The following NKX3-2 variants were observed in gnomAD, a reference collection of about 807,000 sequenced individuals.
The protein encoded by NKX3-2 is NK3 homeobox 2.
Under a neutral mutation model 19.4 loss-of-function variants are expected in NKX3-2, and 13 were observed. The observed-to-expected ratio is 0.67, with a 90% CI of 0.44 to 1.07. The LOEUF (loss-of-function observed/expected upper bound fraction) is 1.07, where lower values mean the gene tolerates loss of function less well. NKX3-2 is among the 50% of genes least tolerant of loss of function. The probability of loss-of-function intolerance (pLI) is 0.00; values close to 1 mark genes in which losing one functional copy is unlikely to be tolerated. For missense variants in NKX3-2, 562 were observed against 488.2 expected (o/e 1.15, Z -1.42); for synonymous variants, 269 against 230.5 (o/e 1.17, Z -1.51).
At chr4:13,547,330 C>T (rs1446891223), upstream of NKX3-2, 1 of 441,712 alleles carries the variant, frequency 2.3e-6, no homozygotes. Context: ...AGGGCGACTT[C>T]CTTCGGGCTC....
At position 13,541,677 on chromosome 4, in the gene NKX3-2, A is replaced by G. The variant is rs1176146225; in HGVS notation, c.*316T>C. 1 of 321,822 alleles carries G rather than the reference A, an allele frequency of 3.1e-6. No homozygotes were observed. The highest frequency in any genetic ancestry group is 5.7e-6 in the Non-Finnish European group (1 of 174,452). The allele number at this position is 321,822 out of a possible 1,614,324, so 19.9% of individuals were successfully genotyped here. ...GCCGCTCAGGGAAAACCCCACCCCC[A>G]GGCAGACATATTCGAATCAAAATTT... is the stretch of plus-strand genomic sequence containing the variant. On this transcript the variant is annotated 3_prime_UTR_variant, in exon 2 of 2. Transcript: ENST00000382438.
rs1041610134 is a variant in NKX3-2 at position 13,543,417 on chromosome 4, A to C, written c.466+532T>G. On this transcript the variant is annotated intron_variant, in intron 1 of 1. Coordinates refer to ENST00000382438, the MANE Select transcript of NKX3-2 (RefSeq NM_001189.4). The surrounding 1 kb of genome is among the most constrained non-coding windows in gnomAD (Gnocchi z 7.1). ...CCAGACCTGGGGTCTGAGAAAGCCA[A>C]ACCAGCCCTTTCCCCAAAGCTCTAG... Among the ~76,000 whole-genome samples, 5 of 152,324 alleles carry C rather than the reference A, an allele frequency of 3.3e-5. No individual in the cohort carries two copies. Among genetic ancestry groups the C allele is most frequent in the African/African-American group, 1.2e-4 (5 of 41,584 alleles).
Position 13,544,505 on chromosome 4 carries a change from G to T in NKX3-2, c.-91C>A, listed in dbSNP as rs924676128. Reference sequence around the variant, plus strand: ...CAGAGAGCGCCGGCGGCCGCAGCGCGAGTGAGCTGGGTGTGCGAGGCCGCC... The same window carrying T: ...CAGAGAGCGCCGGCGGCCGCAGCGCTAGTGAGCTGGGTGTGCGAGGCCGCC... On this transcript the variant is annotated 5_prime_UTR_variant, in exon 1 of 2. Transcript: ENST00000382438. 5.3e-6 allele frequency: 5 copies of T among 935,398 alleles called. No homozygotes were observed. The highest frequency in any genetic ancestry group is 4.4e-5 in the Admixed American group (1 of 22,594). 57.9% of individuals were successfully genotyped at this position (935,398 alleles called of 1,614,324 possible).
chr4:13,546,356 G>C (rs1369850155), upstream of NKX3-2: 1 of 157,094 alleles, frequency 6.4e-6, no homozygotes, highest in Non-Finnish European at 1.4e-5. Flanking sequence ...GCCCTTTACA[G>C]CTCTTTACAA....
upstream of NKX3-2, chr4:13,544,689 C>T (rs971606740): frequency 1.6e-4 from 39 of 251,560 alleles, no homozygotes; most frequent in African/African-American, 8.3e-4. Flanking sequence ...TGGATTATCT[C>T]ATCGCTTCTC....
chr4:13,542,603 G>A lies in NKX3-2; in HGVS notation c.467-75C>T. The A allele has an allele frequency of 1.9e-6, 3 of 1,553,926 alleles. No homozygotes were observed. The highest frequency in any genetic ancestry group is 2.6e-6 in the Non-Finnish European group (3 of 1,141,628). ...GAGGTGAGGCCGGGCCTCAACTGCA[G>A]GGGTCACGGGAGTGGGGCGGAAATA... On this transcript the variant is annotated intron_variant, in intron 1 of 1. Transcript: ENST00000382438. The surrounding 1 kb of genome is among the most constrained non-coding windows in gnomAD (Gnocchi z 6.4).
chr4:13,544,305 C>G lies in NKX3-2; in HGVS notation c.110G>C (p.Gly37Ala). Residue 37 changes from glycine to alanine, a missense_variant, in exon 1 of 2, where the codon GGG becomes GCG. Physicochemically the swap from Gly to Ala is moderately conservative, Grantham distance 60. Transcript: ENST00000382438. ...CGCGGCCACCGATGCCGCTGTGCCCCCGGGCGCCGGGCGCCCCTCTGGCGC... is the reference window on the plus strand; with the variant it reads ...CGCGGCCACCGATGCCGCTGTGCCCGCGGGCGCCGGGCGCCCCTCTGGCGC... ...LAAPEGRPAP[G>A]GTAASVAAAP... The G allele has an allele frequency of 2.0e-6, 3 of 1,529,848 alleles. No homozygotes were observed. The highest frequency in any genetic ancestry group is 2.6e-6 in the Non-Finnish European group (3 of 1,145,970). 94.8% of individuals were successfully genotyped at this position (1,529,848 alleles called of 1,614,324 possible).
chr4:13,544,068 G>T lies in NKX3-2; in HGVS notation c.347C>A (p.Ala116Asp). 1 of 1,575,078 alleles carries T rather than the reference G, an allele frequency of 6.3e-7. No individual in the cohort carries two copies. The highest frequency in any genetic ancestry group is 8.6e-7 in the Non-Finnish European group (1 of 1,163,252). ...GCTCAAGGATCCCCCCGCAAGGCCG[G>T]CCCCGCTGGCCCCCCGCGCGTCCGC... ...RCADARGASG[A>D]GLAGGSLSLG... The change falls in exon 1 of 2, where the codon GCC becomes GAC. Residue 116 changes from alanine (A) to aspartate (D), a missense_variant. Coordinates refer to ENST00000382438, the MANE Select transcript of NKX3-2 (RefSeq NM_001189.4).
At position 13,544,423 on chromosome 4, in the gene NKX3-2, C is replaced by G; in HGVS notation, c.-9G>C. 1 of 1,492,296 alleles carries G rather than the reference C, an allele frequency of 6.7e-7. No homozygotes were observed. The highest frequency in any genetic ancestry group is 2.7e-5 in the East Asian group (1 of 36,784). 92.4% of individuals were successfully genotyped at this position (1,492,296 alleles called of 1,614,324 possible). ...GCGCCGCGCACAGCCATCTGCGCCGCGGGCAGGAGCGGCCGGCGGGGCGGG... is the reference window on the plus strand; with the variant it reads ...GCGCCGCGCACAGCCATCTGCGCCGGGGGCAGGAGCGGCCGGCGGGGCGGG... On this transcript the variant is annotated 5_prime_UTR_variant, in exon 1 of 2. Transcript: ENST00000382438.
chr4:13,545,754 T>C (rs571953619), upstream of NKX3-2, among the ~76,000 whole-genome samples: 241 of 152,324 alleles, frequency 1.6e-3, 1 homozygote, highest in Non-Finnish European at 2.6e-3. Context: ...ACTTTCAATT[T>C]GTTTTTTTTA....
Position 13,544,120 on chromosome 4 carries a change from C to A in NKX3-2, c.295G>T (p.Glu99Ter), listed in dbSNP as rs1718061894. 2 of 1,602,246 alleles carry A rather than the reference C, an allele frequency of 1.2e-6. No individual in the cohort carries two copies. Among genetic ancestry groups the A allele is most frequent in the African/African-American group, 1.3e-5 (1 of 74,326 alleles). Residue 99 changes from glutamate (E) to a stop codon, truncating the protein, a stop_gained, in exon 1 of 2, where the codon GAG becomes TAG. Coordinates refer to ENST00000382438, the MANE Select transcript of NKX3-2 (RefSeq NM_001189.4). LOFTEE classifies it high-confidence loss of function. ...CAGCGCCGCCTGCTCTCGTTCTCCT[C>A]GCTGAGCGCGGAGTCCGAGTCCCAG... is the stretch of plus-strand genomic sequence containing the variant. ...EGWDSDSALSEENESRRRCAD... is the reference protein window; with the variant it reads ...EGWDSDSALS
In NKX3-2 at chr4:13,544,342, C is replaced by G; in HGVS notation, c.73G>C (p.Gly25Arg). ...QAILNKKEERGGLAAPEGRPA... is the reference protein window; with the variant it reads ...QAILNKKEERRGLAAPEGRPA... ...CGCCCCTCTGGCGCGGCCAGCCCGC[C>G]GCGCTCCTCTTTCTTGTTGAGGATC... The change falls in exon 1 of 2, where the codon GGC (glycine) becomes CGC (arginine). Residue 25 changes from glycine (G) to arginine (R), a missense_variant. Physicochemically the swap from Gly to Arg is moderately radical, Grantham distance 125. Coordinates refer to ENST00000382438, the MANE Select transcript of NKX3-2 (RefSeq NM_001189.4). The G allele has an allele frequency of 6.5e-7, 1 of 1,535,218 alleles. No individual in the cohort carries two copies. Among genetic ancestry groups the G allele is most frequent in the Non-Finnish European group, 8.7e-7 (1 of 1,148,920 alleles).
Position 13,542,456 on chromosome 4 carries a change from C to G in NKX3-2, c.539G>C (p.Gly180Ala). ...RGAHVSALCS[G>A]AGGGGGSGPA... ...CCCGCTGCCGCCCCCGCCGCCGGCC[C>G]CGCTGCACAGCGCGGACACGTGTGC... Residue 180 changes from glycine to alanine, a missense_variant, in exon 2 of 2, where the codon GGG (glycine) becomes GCG (alanine). Coordinates refer to ENST00000382438, the MANE Select transcript of NKX3-2 (RefSeq NM_001189.4). The surrounding 1 kb of genome is among the most constrained non-coding windows in gnomAD (Gnocchi z 6.4). 6.3e-7 allele frequency: 1 copy of G among 1,590,182 alleles called. No homozygotes were observed. The highest frequency in any genetic ancestry group is 8.5e-7 in the Non-Finnish European group (1 of 1,176,240).
upstream of NKX3-2, chr4:13,547,008 C>T (rs1445426866): frequency 2.2e-6 from 1 of 456,322 alleles, no homozygotes; most frequent in African/African-American, 2.0e-5. Context: ...CGGGCCATTA[C>T]GGCGCTTAGT....
In NKX3-2 at chr4:13,543,348, G is replaced by T. The variant is rs1373437940; in HGVS notation, c.466+601C>A. Among the ~76,000 whole-genome samples, 1 of 152,200 alleles carries T rather than the reference G, an allele frequency of 6.6e-6. No homozygotes were observed. Among genetic ancestry groups the T allele is most frequent in the African/African-American group, 2.4e-5 (1 of 41,456 alleles). ...GAGGCCTCTCTCCTGCCTCCAGGATGAACTAAAGACCCAATCCGGGATCTT... is the reference window on the plus strand; with the variant it reads ...GAGGCCTCTCTCCTGCCTCCAGGATTAACTAAAGACCCAATCCGGGATCTT... On this transcript the variant is annotated intron_variant, in intron 1 of 1. Transcript: ENST00000382438. The surrounding 1 kb of genome is among the most constrained non-coding windows in gnomAD (Gnocchi z 7.1).
At position 13,544,389 on chromosome 4, in the gene NKX3-2, A is replaced by C. The variant is rs1405368947; in HGVS notation, c.26T>G (p.Leu9Trp). The stretch of plus-strand genomic sequence containing the variant: ...GATCGCCTGGATGGAGAAGGACGTC[A>C]AGGTGTTGGCGCCGCGCACAGCCAT... Reference protein sequence around the residue: MAVRGANTLTSFSIQAILN... With the variant: MAVRGANTWTSFSIQAILN... The change falls in exon 1 of 2, where the codon TTG becomes TGG. Residue 9 changes from leucine to tryptophan, a missense_variant. Coordinates refer to ENST00000382438, the MANE Select transcript of NKX3-2 (RefSeq NM_001189.4). 6.5e-7 allele frequency: 1 copy of C among 1,547,156 alleles called. No homozygotes were observed. The highest frequency in any genetic ancestry group is 1.9e-5 in the Admixed American group (1 of 52,578).
At position 13,542,168 on chromosome 4, in the gene NKX3-2, G is replaced by T; in HGVS notation, c.827C>A (p.Ala276Asp). 1.2e-6 allele frequency: 2 copies of T among 1,608,808 alleles called. No homozygotes were observed. The highest frequency in any genetic ancestry group is 1.7e-6 in the Non-Finnish European group (2 of 1,177,864). ...CACCTTTACGGCCACCTTCTTGGCG[G>T]CGGGCGCCGAGGCCAGCAGGTCGGC... ...MAADLLASAP[A>D]AKKVAVKVLV... is the part of the protein sequence containing the mutation. The change falls in exon 2 of 2, where the codon GCC becomes GAC. Residue 276 changes from alanine to aspartate, a missense_variant. Ala to Asp is a moderately radical substitution (Grantham distance 126). Transcript: ENST00000382438. This position sits in a 1 kb window ranked among gnomAD's most constrained non-coding sequence, Gnocchi z 6.4.
Position 13,544,191 on chromosome 4 carries a change from G to T in NKX3-2, c.224C>A (p.Ala75Asp), listed in dbSNP as rs374854852. ...CCGCCCCGCAGCTGTTCTGGTACCGGCAGGAGACGCCAGCAGAGAGTCCTC... is the reference window on the plus strand; with the variant it reads ...CCGCCCCGCAGCTGTTCTGGTACCGTCAGGAGACGCCAGCAGAGAGTCCTC... ...GAEDSLLASP[A>D]GTRTAAGRTA... The change falls in exon 1 of 2, where the codon GCC (alanine) becomes GAC (aspartate). Residue 75 changes from alanine to aspartate, a missense_variant. Transcript: ENST00000382438. 1 of 1,602,218 alleles carries T rather than the reference G, an allele frequency of 6.2e-7. No homozygotes were observed. Among genetic ancestry groups the T allele is most frequent in the Non-Finnish European group, 8.5e-7 (1 of 1,178,804 alleles).
Position 13,544,044 on chromosome 4 carries a change from C to T in NKX3-2, c.371G>A (p.Ser124Asn), listed in dbSNP as rs1560165576. 2 of 1,566,142 alleles carry T rather than the reference C, an allele frequency of 1.3e-6. No individual in the cohort carries two copies. Among genetic ancestry groups the T allele is most frequent in the East Asian group, 4.8e-5 (2 of 42,008 alleles). ...SGAGLAGGSL[S>N]LGQPVCELAA... ...CAGCTCACAGACCGGCTGGCCGAGG[C>T]TCAAGGATCCCCCCGCAAGGCCGGC... Residue 124 changes from serine (S) to asparagine (N), a missense_variant, in exon 1 of 2, where the codon AGC becomes AAC. Coordinates refer to ENST00000382438, the MANE Select transcript of NKX3-2 (RefSeq NM_001189.4).
Sources: allele counts gnomAD v4.1 joint callset (sites outside exome capture counted in the v4.1 genomes callset), GRCh38; gene constraint gnomAD v4.1.1; non-coding constraint Gnocchi (gnomAD v3.1); transcripts MANE v1.5; gene names NCBI Gene and HGNC (gene_info 2026-07-23, HGNC 2026-07-21).